Variants in LAMB4 observed in about 807,000 individuals in gnomAD.
The protein encoded by LAMB4 is laminin subunit beta-4.
LAMB4 carries 196 observed loss-of-function variants against 199.2 expected under a neutral mutation model. The observed-to-expected ratio is 0.98, with a 90% CI of 0.88 to 1.11. The LOEUF (loss-of-function observed/expected upper bound fraction) is 1.11. Among genes scored for constraint, LAMB4 ranks in the 50% least tolerant of loss-of-function variants. The pLI, the probability that LAMB4 is intolerant of heterozygous loss-of-function variation, is 0.00. For synonymous variants in LAMB4, 744 were observed against 770.6 expected, an observed-to-expected ratio of 0.97 and a Z score of 0.57; for missense variants, 2,080 against 2,171.2, an observed-to-expected ratio of 0.96 and a Z score of 0.83.
intron 29 of LAMB4, among the ~76,000 whole-genome samples, chr7:108,042,091 G>A (rs2035440220): frequency 6.6e-6 from 1 of 152,070 alleles, no homozygotes; most frequent in Non-Finnish European, 1.5e-5. Context: ...GAATAGTGTG[G>A]TCATCATCTA....
At chr7:108,016,720 TTA>T in the LAMB4 span, among the ~76,000 whole-genome samples, 1 of 152,238 alleles carries the variant, frequency 6.6e-6, no homozygotes, top group Non-Finnish European at 1.5e-5. Flanking sequence ...GACAGTCATT[TTA>T]TATCTTTCCT....
rs2035695879 is a variant in LAMB4 at position 108,048,078 on chromosome 7, G to A, written c.4156C>T (p.Pro1386Ser). Residue 1386 changes from proline (P) to serine (S), a missense_variant, in exon 28 of 34, where the codon CCC becomes TCC. Transcript: ENST00000388781. ...CGDPGNVPCV[P>S]LPCGGALCTG... ...CAGAGAGCACCGCCACAGGGCAAGG[G>A]CACACATGGCACATTTCCTGGATCT... The A allele has an allele frequency of 1.2e-6, 2 of 1,613,490 alleles. No individual in the cohort carries two copies. Among genetic ancestry groups the A allele is most frequent in the East Asian group, 2.2e-5 (1 of 44,824 alleles).
At chr7:108,031,943 G>A (rs1207831219) in intron 31 of LAMB4, among the ~76,000 whole-genome samples, 1 of 152,072 alleles carries the variant, frequency 6.6e-6, no homozygotes, top group Admixed American at 6.5e-5. Flanking sequence ...GTTAGACATT[G>A]TCTCTTGTTT....
At chr7:108,115,232 T>C (rs2038364622) in intron 3 of LAMB4, among the ~76,000 whole-genome samples, 1 of 152,236 alleles carries the variant, frequency 6.6e-6, no homozygotes, top group Admixed American at 6.5e-5. Flanking sequence ...AAATGGAAAT[T>C]AAGCAAATCT....
At chr7:108,111,607 T>C (rs569639526) in intron 4 of LAMB4, among the ~76,000 whole-genome samples, 37 of 152,380 alleles carry the variant, frequency 2.4e-4, no homozygotes, top group African/African-American at 8.9e-4. Context: ...GTGCTTAAAA[T>C]ACATTTTGAT....
chr7:108,063,733 T>A (rs569015573), intron 22 of LAMB4, 28 bp downstream of exon 22: 1 of 1,578,462 alleles, frequency 6.3e-7, no homozygotes, highest in Non-Finnish European at 8.7e-7. Context: ...AGCTGACACA[T>A]TTCCCCCTGG....
chr7:108,073,282 A>G (rs1315322578), intron 17 of LAMB4, among the ~76,000 whole-genome samples: 3 of 152,242 alleles, frequency 2.0e-5, no homozygotes, highest in Non-Finnish European at 4.4e-5. Flanking sequence ...CTGGGATTAC[A>G]GGCGTAAGCC....
intron 13 of LAMB4, 109 bp from the exon 14 acceptor site, chr7:108,091,885 C>T: frequency 9.4e-7 from 1 of 1,064,302 alleles, no homozygotes; most frequent in Non-Finnish European, 1.4e-6. Context: ...TCCTTAGAAT[C>T]AGTCAATCAA....
chr7:108,122,148 C>G (rs775189348), intron 2 of LAMB4, among the ~76,000 whole-genome samples: 2 of 152,174 alleles, frequency 1.3e-5, no homozygotes, highest in South Asian at 2.1e-4. Context: ...AACTGTGGAT[C>G]GGTTTAGAAC....
intron 33 of LAMB4, among the ~76,000 whole-genome samples, chr7:108,027,960 T>A (rs952336449): frequency 9.9e-5 from 15 of 152,096 alleles, no homozygotes; most frequent in Non-Finnish European, 2.1e-4. Context: ...TTTTTTTTAT[T>A]TTTAGTAGAG....
intron 11 of LAMB4, among the ~76,000 whole-genome samples, chr7:108,096,960 AAAAAAAAAAAAAT>A (rs1336970312): frequency 1.2e-3 from 177 of 143,358 alleles, no homozygotes; most frequent in Admixed American, 3.3e-3. Context: ...AAAAAAAAAA[AAAAAAAAAAAAAT>A]TTAAAGCTGG....
downstream of LAMB4, among the ~76,000 whole-genome samples, chr7:108,022,310 T>G (rs2034710616): frequency 6.6e-6 from 1 of 152,240 alleles, no homozygotes; most frequent in South Asian, 2.1e-4. Flanking sequence ...CTTTGAATTT[T>G]TAATATAAGA....
At chr7:108,053,998 C>T (rs1479278036) in intron 25 of LAMB4, among the ~76,000 whole-genome samples, 2 of 152,188 alleles carry the variant, frequency 1.3e-5, no homozygotes, top group Non-Finnish European at 2.9e-5. Context: ...ACATAGGGGT[C>T]TAGATCTTGC....
At chr7:108,107,112 C>G (rs964890512) in intron 6 of LAMB4, among the ~76,000 whole-genome samples, 5 of 152,162 alleles carry the variant, frequency 3.3e-5, no homozygotes, top group African/African-American at 1.2e-4. Flanking sequence ...ATTTGGCAAG[C>G]CATGATCAAT....
chr7:108,082,215 G>A (rs761372385), intron 14 of LAMB4, among the ~76,000 whole-genome samples: 11 of 151,680 alleles, frequency 7.3e-5, no homozygotes, highest in East Asian at 3.9e-4. Flanking sequence ...CTGTAGTCCC[G>A]GCTACTTGGG....
chr7:108,030,093 G>C (rs2034976294), intron 32 of LAMB4, among the ~76,000 whole-genome samples: 1 of 151,268 alleles, frequency 6.6e-6, no homozygotes, highest in African/African-American at 2.4e-5. Context: ...ATTCCAGTCT[G>C]GTGACAGAGA....
intron 1 of LAMB4, among the ~76,000 whole-genome samples, chr7:108,126,577 A>ATTTTTT (rs2038792468): frequency 8.6e-4 from 1 of 1,168 alleles, no homozygotes; most frequent in Admixed American, 6.2e-3. Flanking sequence ...TTTTTTTTTG[A>ATTTTTT]GACGGAGTCT....
At chr7:108,105,590 C>T (rs2037974369) in intron 8 of LAMB4, among the ~76,000 whole-genome samples, 1 of 152,168 alleles carries the variant, frequency 6.6e-6, no homozygotes, top group Non-Finnish European at 1.5e-5. Context: ...AAATTCTGCT[C>T]ACTAGTTCAA....
intron 19 of LAMB4, 126 bp from the exon 20 acceptor site, chr7:108,066,726 T>A (rs879428560): frequency 3.5e-5 from 22 of 627,936 alleles, no homozygotes; most frequent in Non-Finnish European, 5.9e-5. Context: ...GTAACGTGCT[T>A]AGGACACAGC....
Sources: gnomAD v4.1 joint callset for allele counts (sites outside exome capture counted in the v4.1 genomes callset) on GRCh38, gnomAD v4.1.1 for gene constraint, MANE v1.5 for transcripts, NCBI Gene and HGNC (gene_info 2026-07-23, HGNC 2026-07-21) for gene names.